The following ESRRG variants were observed in gnomAD, a reference collection of about 807,000 sequenced individuals.
ESRRG encodes estrogen related receptor gamma.
In ESRRG, 13 loss-of-function variants were observed where a neutral mutation model predicts 44.0. The ratio of observed to expected loss-of-function variants is 0.30; its 90% confidence interval spans 0.19 to 0.47. ESRRG has a LOEUF of 0.47. Ranked by LOEUF, ESRRG falls within the 20% of genes least tolerant of loss-of-function variation. The pLI, the probability that ESRRG is intolerant of heterozygous loss-of-function variation, is 1.00. For missense variants in ESRRG, 395 were observed against 580.6 expected, an observed-to-expected ratio of 0.68 and a Z score of 3.29; for synonymous variants, 215 against 214.6, an observed-to-expected ratio of 1.00 and a Z score of -0.02.
intron 2 of ESRRG, among the ~76,000 whole-genome samples, chr1:216,910,769 C>T (rs2060217717): frequency 6.6e-6 from 1 of 152,154 alleles, no homozygotes; most frequent in Admixed American, 6.5e-5. Flanking sequence ...TGAAGTGAAG[C>T]ACTCCTTAAT....
At chr1:217,090,730 C>T (rs1458685552), upstream of ESRRG, among the ~76,000 whole-genome samples, 1 of 152,200 alleles carries the variant, frequency 6.6e-6, no homozygotes, top group East Asian at 1.9e-4. Flanking sequence ...GGGCTCCGGG[C>T]ATCTGGCCCA....
At chr1:217,026,912 CAGAGAGAGAGAG>C (rs71163786) in intron 1 of ESRRG, among the ~76,000 whole-genome samples, 2 of 93,414 alleles carry the variant, frequency 2.1e-5, no homozygotes, top group African/African-American at 8.1e-5. Flanking sequence ...CACACACACA[CAGAGAGAGAGAG>C]AGAGAGAGAG....
chr1:216,697,561 T>A (rs2080426266), intron 1 of ESRRG, among the ~76,000 whole-genome samples: 1 of 152,218 alleles, frequency 6.6e-6, no homozygotes, highest in South Asian at 2.1e-4. Flanking sequence ...CTTCTATGAG[T>A]ATCTTTGAAG....
chr1:216,662,871 T>C (rs1256506946), intron 2 of ESRRG, among the ~76,000 whole-genome samples: 1 of 152,204 alleles, frequency 6.6e-6, no homozygotes, highest in Non-Finnish European at 1.5e-5. Context: ...GGTGTGGCCA[T>C]GTTCCAATAA....
At chr1:217,091,870 T>G (rs1286232525), upstream of ESRRG, among the ~76,000 whole-genome samples, 2 of 152,196 alleles carry the variant, frequency 1.3e-5, no homozygotes, top group Admixed American at 1.3e-4. Context: ...TCCAGCTTTT[T>G]TACTTATTAA....
At chr1:216,935,034 A>C (rs549465289) in intron 2 of ESRRG, among the ~76,000 whole-genome samples, 1 of 152,358 alleles carries the variant, frequency 6.6e-6, no homozygotes, top group South Asian at 2.1e-4. Flanking sequence ...CTGAAAATGT[A>C]GATTCCTGGT....
chr1:216,717,585 T>C (rs1462580971), intron 1 of ESRRG, among the ~76,000 whole-genome samples: 1 of 151,776 alleles, frequency 6.6e-6, no homozygotes, highest in Non-Finnish European at 1.5e-5. Flanking sequence ...AGGTAGGCAA[T>C]GAATCTAGGA....
intron 1 of ESRRG, among the ~76,000 whole-genome samples, chr1:217,082,871 G>C (rs1025935911): frequency 6.6e-6 from 1 of 152,150 alleles, no homozygotes; most frequent in African/African-American, 2.4e-5. Context: ...CAGTATATCA[G>C]GGAAAGAAAA....
intron 3 of ESRRG, among the ~76,000 whole-genome samples, chr1:216,568,481 G>A (rs982173074): frequency 6.6e-6 from 1 of 152,166 alleles, no homozygotes; most frequent in Non-Finnish European, 1.5e-5. Context: ...TCAATGTGTA[G>A]GACTGAGTAG....
chr1:216,852,757 T>G (rs1352118328), intron 2 of ESRRG, among the ~76,000 whole-genome samples: 1 of 152,206 alleles, frequency 6.6e-6, no homozygotes, highest in Non-Finnish European at 1.5e-5. Flanking sequence ...TGTCAGAGAA[T>G]CTAATCCAAA....
At chr1:216,624,724 A>C (rs1288730375) in intron 3 of ESRRG, among the ~76,000 whole-genome samples, 1 of 152,106 alleles carries the variant, frequency 6.6e-6, no homozygotes, top group South Asian at 2.1e-4. Context: ...TCAAGCTTCA[A>C]ATTTTTAACT....
intron 3 of ESRRG, among the ~76,000 whole-genome samples, chr1:216,570,868 A>T (rs2060648676): frequency 6.6e-6 from 1 of 152,204 alleles, no homozygotes; most frequent in African/African-American, 2.4e-5. Context: ...ATGCTTGTCA[A>T]GGAATGTATT....
intron 5 of ESRRG, among the ~76,000 whole-genome samples, chr1:216,527,482 A>G (rs12058696): frequency 0.096 from 14,557 of 152,068 alleles, 783 homozygotes; most frequent in African/African-American, 0.13. Context: ...TAGAACACAG[A>G]ATTTCTTTCA....
chr1:216,709,043 C>T (rs755074809), intron 1 of ESRRG, among the ~76,000 whole-genome samples: 4 of 151,948 alleles, frequency 2.6e-5, no homozygotes, highest in Admixed American at 2.0e-4. Context: ...GGGAGGGGAA[C>T]AACACACACT....
At chr1:217,018,926 C>A (rs2079861159) in intron 1 of ESRRG, among the ~76,000 whole-genome samples, 1 of 152,132 alleles carries the variant, frequency 6.6e-6, no homozygotes, top group Non-Finnish European at 1.5e-5. Flanking sequence ...AAATAGGCAT[C>A]CCTGGTACAG....
At chr1:216,583,873 C>T (rs1199724550) in intron 3 of ESRRG, among the ~76,000 whole-genome samples, 1 of 152,154 alleles carries the variant, frequency 6.6e-6, no homozygotes, top group Non-Finnish European at 1.5e-5. Context: ...GGGAACTCCT[C>T]TTTTTAAAAA....
intron 1 of ESRRG, among the ~76,000 whole-genome samples, chr1:217,127,097 T>A (rs2092902428): frequency 6.6e-6 from 1 of 152,226 alleles, no homozygotes; most frequent in South Asian, 2.1e-4. Context: ...TTGATTTATA[T>A]CCATTTGCTT....
chr1:216,568,097 C>A lies in ESRRG; in HGVS notation c.591G>T (p.Gly197=), dbSNP rs777149329. The change falls in exon 4 of 7, where the codon GGG becomes GGT. Residue 197 remains glycine (G), a splice_region_variant and synonymous_variant. Coordinates refer to ENST00000408911, the MANE Select transcript of ESRRG (RefSeq NM_001438.4). ...CTCCACGTACTCTGTCAAGACGCAC[C>A]CCTGTGAGCAAAGACAGGCACCGGC... ...KCLKVGMLKE[G]VRLDRVRGGR... The A allele has an allele frequency of 7.5e-6, 12 of 1,610,060 alleles. No homozygotes were observed. The highest frequency in any genetic ancestry group is 3.3e-4 in the Middle Eastern group (2 of 6,074).
chr1:216,519,123 T>C (rs556496060), intron 6 of ESRRG, 29 bp downstream of exon 6: 25 of 1,595,682 alleles, frequency 1.6e-5, no homozygotes, highest in South Asian at 9.0e-5. Context: ...TTAAAAAAAA[T>C]GTAACAATGA....
Sources: allele counts gnomAD v4.1 joint callset (sites outside exome capture counted in the v4.1 genomes callset), GRCh38; gene constraint gnomAD v4.1.1; transcripts MANE v1.5; gene names NCBI Gene and HGNC (gene_info 2026-07-23, HGNC 2026-07-21).